The following NCKAP5 variants were observed in gnomAD, a reference collection of about 807,000 sequenced individuals.
NCKAP5 encodes the protein nck-associated protein 5.
A neutral mutation model predicts 167.0 loss-of-function variants in NCKAP5; 92 were observed. The observed-to-expected ratio is 0.55, with a 90% CI of 0.47 to 0.66. The LOEUF (loss-of-function observed/expected upper bound fraction) is 0.66, where lower values mean the gene tolerates loss of function less well. Among genes scored for constraint, NCKAP5 ranks in the 30% least tolerant of loss-of-function variants. The probability of loss-of-function intolerance (pLI) is 0.00; values close to 1 mark genes in which losing one functional copy is unlikely to be tolerated. For synonymous variants in NCKAP5, 891 were observed against 877.4 expected, an observed-to-expected ratio of 1.02 and a Z score of -0.27; for missense variants, 2,378 against 2,315.0, an observed-to-expected ratio of 1.03 and a Z score of -0.56.
At chr2:132,838,732 T>C (rs568467993) in intron 11 of NCKAP5, among the ~76,000 whole-genome samples, 102 of 152,358 alleles carry the variant, frequency 6.7e-4, no homozygotes, top group Non-Finnish European at 1.2e-3. Flanking sequence ...CTTTTATTTC[T>C]ATGGCACAAA....
intron 4 of NCKAP5, among the ~76,000 whole-genome samples, chr2:133,237,544 G>A (rs2087481408): frequency 6.6e-6 from 1 of 151,936 alleles, no homozygotes. Flanking sequence ...TTCTGCTCTG[G>A]GCCAGCCATC....
chr2:133,605,264 G>T, the NCKAP5 span, among the ~76,000 whole-genome samples: 1 of 152,170 alleles, frequency 6.6e-6, no homozygotes, highest in African/African-American at 2.4e-5. Context: ...GTTGGTCCCT[G>T]TGAATTTGAG....
chr2:132,818,833 C>A (rs1020657000), intron 11 of NCKAP5, among the ~76,000 whole-genome samples: 8 of 152,216 alleles, frequency 5.3e-5, no homozygotes, highest in African/African-American at 1.7e-4. Flanking sequence ...ACAGAAATTA[C>A]AGACATTTTA....
chr2:133,123,708 G>C (rs1574098200), intron 6 of NCKAP5: 1 of 464,528 alleles, frequency 2.2e-6, no homozygotes, highest in East Asian at 7.0e-5. Flanking sequence ...TCAGACATGG[G>C]AACAAGTGCA....
chr2:133,648,006 T>G, the NCKAP5 span, among the ~76,000 whole-genome samples: 1 of 152,096 alleles, frequency 6.6e-6, no homozygotes, highest in South Asian at 2.1e-4. Context: ...TGATTTAAAT[T>G]TAAGGTCACA....
the NCKAP5 span, among the ~76,000 whole-genome samples, chr2:133,660,167 C>G: frequency 3.3e-5 from 5 of 152,144 alleles, no homozygotes; most frequent in Non-Finnish European, 5.9e-5. Flanking sequence ...TTCCAAGGGC[C>G]CAAATGGTTC....
At position 132,920,763 on chromosome 2, in the gene NCKAP5, A is replaced by ATATGTATGTATG. The variant is rs1558943135; in HGVS notation, c.580-41848_580-41847insCATACATACATA. Reference sequence around the variant, plus strand: ...TATATGTGTATATATATATGTATATATATGTATGTATATATATATATATAT... The same window carrying ATATGTATGTATG: ...TATATGTGTATATATATATGTATATATATGTATGTATGTATGTATGTATATATATATATATAT... On this transcript the variant is annotated intron_variant, in intron 8 of 19. Transcript: ENST00000409261. 1.4e-3 allele frequency among the ~76,000 whole-genome samples: 98 copies of ATATGTATGTATG among 69,248 alleles called. 6 individuals are homozygous for ATATGTATGTATG. The highest frequency in any genetic ancestry group is 6.1e-3 in the African/African-American group (89 of 14,702). The allele number at this position is 69,248 out of a possible 152,430, so 45.4% of individuals were successfully genotyped here.
intron 19 of NCKAP5, among the ~76,000 whole-genome samples, chr2:132,683,057 T>A (rs1685453342): frequency 6.6e-6 from 1 of 151,964 alleles, no homozygotes; most frequent in African/African-American, 2.4e-5. Flanking sequence ...CTAATTTTTG[T>A]ATTTTTAGTA....
chr2:132,705,494 A>C (rs566037123), intron 19 of NCKAP5, among the ~76,000 whole-genome samples: 1 of 152,272 alleles, frequency 6.6e-6, no homozygotes, highest in Non-Finnish European at 1.5e-5. Flanking sequence ...GACTTGACCT[A>C]TCAGTGTCAT....
chr2:133,061,401 TAGA>T (rs1440858397), intron 6 of NCKAP5, among the ~76,000 whole-genome samples: 2 of 152,242 alleles, frequency 1.3e-5, no homozygotes, highest in African/African-American at 4.8e-5. Context: ...ACTCGCATTC[TAGA>T]AGAAGTTTTT....
At chr2:133,425,137 CACCA>C (rs1242447669) in intron 3 of NCKAP5, among the ~76,000 whole-genome samples, 1 of 152,214 alleles carries the variant, frequency 6.6e-6, no homozygotes, top group Non-Finnish European at 1.5e-5. Flanking sequence ...CACAGTTAGT[CACCA>C]ACCTCTGTTC....
rs1680528686 is a variant in NCKAP5 at position 133,303,215 on chromosome 2, T to C, written c.70-105A>G. ...GGAGTATTTTTGACAACATTATCCC[T>C]ACTTCCCTTCCGGTTCTAGGATTCT... On this transcript the variant is annotated intron_variant, in intron 3 of 19. Coordinates refer to ENST00000409261, the MANE Select transcript of NCKAP5 (RefSeq NM_207363.3). The C allele has an allele frequency of 8.3e-6, 6 of 726,028 alleles. No individual in the cohort carries two copies. In the Admixed American group the frequency reaches 1.3e-4, roughly 16 times the overall value. 45.0% of individuals were successfully genotyped at this position (726,028 alleles called of 1,614,324 possible). A position where few individuals can be genotyped will look rare whatever the true frequency, so the allele number is the denominator to read the frequency against.
chr2:133,612,961 C>T, the NCKAP5 span, among the ~76,000 whole-genome samples: 25 of 152,114 alleles, frequency 1.6e-4, no homozygotes, highest in Admixed American at 7.2e-4. Context: ...GAATAGACTT[C>T]CAGGAAGGAA....
At chr2:133,501,350 T>C (rs1421147895) in intron 3 of NCKAP5, among the ~76,000 whole-genome samples, 4 of 152,204 alleles carry the variant, frequency 2.6e-5, no homozygotes, top group Non-Finnish European at 5.9e-5. Flanking sequence ...CATACACCAA[T>C]GATCACAGCA....
At chr2:133,511,947 C>T (rs2151424243) in intron 3 of NCKAP5, among the ~76,000 whole-genome samples, 1 of 152,246 alleles carries the variant, frequency 6.6e-6, no homozygotes, top group Non-Finnish European at 1.5e-5. Flanking sequence ...GTCAAAGGGA[C>T]TGAGATTAGA....
chr2:132,886,602 G>T (rs530120414), intron 8 of NCKAP5, among the ~76,000 whole-genome samples: 20 of 152,286 alleles, frequency 1.3e-4, no homozygotes, highest in African/African-American at 4.8e-4. Context: ...CTGAGGTGTT[G>T]TCTTTCATGA....
At chr2:133,376,319 A>C (rs912961157) in intron 3 of NCKAP5, among the ~76,000 whole-genome samples, 4 of 152,124 alleles carry the variant, frequency 2.6e-5, no homozygotes, top group African/African-American at 9.7e-5. Flanking sequence ...TTCAAACCCA[A>C]CTAAAACCAT....
At chr2:133,086,009 C>T (rs1408800226) in intron 6 of NCKAP5, among the ~76,000 whole-genome samples, 1 of 152,146 alleles carries the variant, frequency 6.6e-6, no homozygotes, top group African/African-American at 2.4e-5. Flanking sequence ...ATACTTGCTA[C>T]CAGAATCTTC....
intron 6 of NCKAP5, among the ~76,000 whole-genome samples, chr2:133,086,229 G>C (rs1428723926): frequency 2.0e-5 from 3 of 152,178 alleles, no homozygotes; most frequent in Non-Finnish European, 4.4e-5. Context: ...TTTTGGACAA[G>C]ATAAACTCAG....
Sources: gnomAD v4.1 joint callset for allele counts (sites outside exome capture counted in the v4.1 genomes callset) on GRCh38, gnomAD v4.1.1 for gene constraint, MANE v1.5 for transcripts, NCBI Gene and HGNC (gene_info 2026-07-23, HGNC 2026-07-21) for gene names.